Variants in ANPEP observed in about 807,000 individuals in gnomAD.
ANPEP encodes the protein alanyl aminopeptidase, membrane, also known as aminopeptidase N.
Under a neutral mutation model 114.6 loss-of-function variants are expected in ANPEP, and 70 were observed. The observed-to-expected ratio is 0.61, with a 90% CI of 0.50 to 0.75. The LOEUF is 0.75. Ranked by LOEUF, ANPEP falls within the 30% of genes least tolerant of loss-of-function variation. The pLI, the probability that ANPEP is intolerant of heterozygous loss-of-function variation, is 0.00. For synonymous variants in ANPEP, 548 were observed against 522.3 expected (o/e 1.05, Z -0.67); for missense variants, 1,184 against 1,259.5 (o/e 0.94, Z 0.91).
At position 89,806,893 on chromosome 15, in the gene ANPEP, G is replaced by T; in HGVS notation, c.-223-87C>A. The T allele has an allele frequency of 2.9e-6, 1 of 344,952 alleles. No individual in the cohort carries two copies. The highest frequency in any genetic ancestry group is 5.4e-6 in the Non-Finnish European group (1 of 185,188). The allele number at this position is 344,952 out of a possible 1,614,324, so 21.4% of individuals were successfully genotyped here. A position where few individuals can be genotyped will look rare whatever the true frequency, so the allele number is the denominator to read the frequency against. The stretch of plus-strand genomic sequence containing the variant: ...CTGAAGGGCAGGCTTCCGGCTGTAG[G>T]CCCAGTGGGCAAAGCAAGCGGCCAG... On this transcript the variant is annotated intron_variant, in intron 1 of 20. Transcript: ENST00000300060. The surrounding 1 kb of genome is among the most constrained non-coding windows in gnomAD (Gnocchi z 5.7).
At chr15:89,804,980 C>A in intron 4 of ANPEP, 98 bp downstream of exon 4, 1 of 1,545,454 alleles carries the variant, frequency 6.5e-7, no homozygotes, top group Admixed American at 1.7e-5. Flanking sequence ...CCAACCCTGG[C>A]CTAACAATTC....
intron 1 of ANPEP, among the ~76,000 whole-genome samples, chr15:89,808,442 T>C (rs993299013): frequency 6.6e-6 from 1 of 152,212 alleles, no homozygotes; most frequent in African/African-American, 2.4e-5. Context: ...CAGCAGGGCC[T>C]CACCAGCACT....
Position 89,803,556 on chromosome 15 carries a change from G to T in ANPEP, c.1438-49C>A. ...TCAGAAGGCTGTGCAGAGCCACCAG[G>T]ACCCTGTGCCCCCAGACCCTGCCTT... On this transcript the variant is annotated intron_variant, in intron 8 of 20. Coordinates refer to ENST00000300060, the MANE Select transcript of ANPEP (RefSeq NM_001150.3). This position sits in a 1 kb window ranked among gnomAD's most constrained non-coding sequence, Gnocchi z 4.2. The T allele has an allele frequency of 6.2e-7, 1 of 1,603,202 alleles. No individual in the cohort carries two copies. Among genetic ancestry groups the T allele is most frequent in the Non-Finnish European group, 8.5e-7 (1 of 1,176,952 alleles).
Position 89,799,318 on chromosome 15 carries a change from A to G in ANPEP, c.1954-3T>C, listed in dbSNP as rs1183287055. The G allele has an allele frequency of 6.2e-7, 1 of 1,614,088 alleles. No individual in the cohort carries two copies. Among genetic ancestry groups the G allele is most frequent in the Non-Finnish European group, 8.5e-7 (1 of 1,180,032 alleles). On this transcript the variant is annotated splice_region_variant and splice_polypyrimidine_tract_variant and intron_variant, in intron 13 of 20. Transcript: ENST00000300060. This position sits in a 1 kb window ranked among gnomAD's most constrained non-coding sequence, Gnocchi z 4.2. ...GCCCGATTGATGACAGGGATGGCCT[A>G]GAATGCGAAGCACAGCATGTGACCA...
chr15:89,787,962 C>G (rs1031651842), intron 20 of ANPEP, among the ~76,000 whole-genome samples: 2 of 151,912 alleles, frequency 1.3e-5, no homozygotes, highest in Admixed American at 6.6e-5. Context: ...GATGACTATA[C>G]TAAAAAAAGA....
intron 20 of ANPEP, among the ~76,000 whole-genome samples, chr15:89,787,040 CTTTTTTTTTTTTT>C (rs1015822999): frequency 1.1e-5 from 1 of 91,044 alleles, no homozygotes; most frequent in Non-Finnish European, 2.1e-5. Flanking sequence ...TAATAAAACT[CTTTTTTTTTTTTT>C]TTTTTTTTTT....
At chr15:89,812,848 C>A (rs1894839707) in intron 1 of ANPEP, among the ~76,000 whole-genome samples, 3 of 152,212 alleles carry the variant, frequency 2.0e-5, no homozygotes, top group African/African-American at 7.2e-5. Flanking sequence ...TCCCATACAG[C>A]CCCTCACATC....
At chr15:89,807,972 C>T (rs1412723236) in intron 1 of ANPEP, among the ~76,000 whole-genome samples, 2 of 152,146 alleles carry the variant, frequency 1.3e-5, no homozygotes, top group Non-Finnish European at 2.9e-5. Context: ...GACACAGCAG[C>T]GCCCCTATGG....
At chr15:89,795,137 T>C (rs937882245) in intron 15 of ANPEP, among the ~76,000 whole-genome samples, 1 of 149,376 alleles carries the variant, frequency 6.7e-6, no homozygotes. Context: ...GTAATAAATA[T>C]CCTCTGAGAG....
rs1894690491 is a variant in ANPEP at position 89,805,421 on chromosome 15, C to G, written c.657G>C (p.Lys219Asn). Residue 219 changes from lysine (K) to asparagine (N), a missense_variant, in exon 3 of 21, where the codon AAG becomes AAC. By Grantham distance (94) the Lys-to-Asn change is moderately conservative. Coordinates refer to ENST00000300060, the MANE Select transcript of ANPEP (RefSeq NM_001150.3). ...CCGGCTCATCGAAGCATGGGAAGGA[C>G]TTCCGGGCATCTGCAGCCTGCATCT... is the stretch of plus-strand genomic sequence containing the variant. Reference protein sequence around the residue: ...TTQMQAADARKSFPCFDEPAM... With the variant: ...TTQMQAADARNSFPCFDEPAM... The G allele has an allele frequency of 6.2e-7, 1 of 1,614,092 alleles. No individual in the cohort carries two copies. The highest frequency in any genetic ancestry group is 1.3e-5 in the African/African-American group (1 of 74,940).
intron 1 of ANPEP, among the ~76,000 whole-genome samples, chr15:89,813,884 C>A (rs550354267): frequency 6.6e-6 from 1 of 151,864 alleles, no homozygotes; most frequent in Non-Finnish European, 1.5e-5. Context: ...CCCCCGAACA[C>A]GGCCTGGTGG....
rs373862237 is a variant in ANPEP at position 89,800,083 on chromosome 15, C to G, written c.1820-524G>C. ...AATAGGTTGCTCATTTCCCACCTGCCCCATCCACTGTCTCCTGCAGCCCCT... is the reference window on the plus strand; with the variant it reads ...AATAGGTTGCTCATTTCCCACCTGCGCCATCCACTGTCTCCTGCAGCCCCT... On this transcript the variant is annotated intron_variant, in intron 12 of 20. Coordinates refer to ENST00000300060, the MANE Select transcript of ANPEP (RefSeq NM_001150.3). 3.6e-3 allele frequency among the ~76,000 whole-genome samples: 551 copies of G among 152,270 alleles called. 4 individuals are homozygous for G. Among genetic ancestry groups the G allele is most frequent in the African/African-American group, 0.012 (504 of 41,558 alleles).
At chr15:89,785,890 A>G (rs1205396408) in intron 20 of ANPEP, among the ~76,000 whole-genome samples, 1 of 152,220 alleles carries the variant, frequency 6.6e-6, no homozygotes, top group African/African-American at 2.4e-5. Context: ...TACTCCTACA[A>G]ATTAGAAGAG....
rs1182646726 is a variant in ANPEP, at chr15:89,805,370, C to T, written c.708G>A (p.Thr236=). Residue 236 remains threonine, a synonymous_variant, in exon 3 of 21, where the codon ACG becomes ACA. Transcript: ENST00000300060. ...CTGTCAGGTCCTTGGGGTGGATAAG[C>T]GTGATGTTGAACTCGGCCTTCATGG... The part of the protein sequence containing the change: ...EPAMKAEFNI[T]LIHPKDLTAL... The T allele has an allele frequency of 1.9e-6, 3 of 1,614,028 alleles. No individual in the cohort carries two copies. The highest frequency in any genetic ancestry group is 2.2e-5 in the East Asian group (1 of 44,882).
Position 89,801,129 on chromosome 15 carries a change from A to G in ANPEP, c.1801T>C (p.Trp601Arg). The G allele has an allele frequency of 1.2e-6, 2 of 1,614,178 alleles. No homozygotes were observed. Among genetic ancestry groups the G allele is most frequent in the Non-Finnish European group, 1.7e-6 (2 of 1,180,028 alleles). The change falls in exon 12 of 21, where the codon TGG becomes CGG. Residue 601 changes from tryptophan (W) to arginine (R), a missense_variant. By Grantham distance (101) the Trp-to-Arg change is moderately radical. Transcript: ENST00000300060. ...IRDGRQQQDY[W>R]LIDVRAQNDL... Reference sequence around the variant, plus strand: ...GGATTACCTCTTACATCTATCAGCCAGTAGTCCTGCTGCTGTCTGCCATCT... The same window carrying G: ...GGATTACCTCTTACATCTATCAGCCGGTAGTCCTGCTGCTGTCTGCCATCT...
Position 89,804,338 on chromosome 15 carries a change from T to A in ANPEP, c.1094A>T (p.Asn365Ile). ...GGACAGGGGGTCGAACAGCAGGGAG[T>A]TCTCCCGGTAGGTCACCAGTCCCCA... ...ENWGLVTYRE[N>I]SLLFDPLSSS... Residue 365 changes from asparagine to isoleucine, a missense_variant, in exon 6 of 21, where the codon AAC (asparagine) becomes ATC (isoleucine). By Grantham distance (149) the Asn-to-Ile change is moderately radical. Coordinates refer to ENST00000300060, the MANE Select transcript of ANPEP (RefSeq NM_001150.3). The A allele has an allele frequency of 2.5e-6, 4 of 1,613,926 alleles. No individual in the cohort carries two copies. The highest frequency in any genetic ancestry group is 1.3e-5 in the African/African-American group (1 of 74,992).
intron 4 of ANPEP, 78 bp downstream of exon 4, chr15:89,805,000 C>A: frequency 6.3e-7 from 1 of 1,587,054 alleles, no homozygotes; most frequent in South Asian, 1.1e-5. Flanking sequence ...CAGAAACTGG[C>A]ACAGGGATGA....
chr15:89,808,297 A>T (rs969540440), intron 1 of ANPEP, among the ~76,000 whole-genome samples: 2 of 151,974 alleles, frequency 1.3e-5, no homozygotes, highest in East Asian at 3.9e-4. Context: ...AGCCGCCCTG[A>T]CCTCCCTGAC....
rs538150702 is a variant in ANPEP at position 89,788,670 on chromosome 15, C to T, written c.2751+1790G>A. 7.9e-5 allele frequency among the ~76,000 whole-genome samples: 12 copies of T among 152,164 alleles called. No individual in the cohort carries two copies. The East Asian group carries it at 1.4e-3, about 17-fold the overall frequency. ...GGCTGGAATGCGGTGGCACCACCTC[C>T]GCTCACTGCAACCTCTGCCTTCCTG... On this transcript the variant is annotated intron_variant, in intron 20 of 20. Transcript: ENST00000300060.
Sources: gnomAD v4.1 joint callset for allele counts (sites outside exome capture counted in the v4.1 genomes callset) on GRCh38, gnomAD v4.1.1 for gene constraint, Gnocchi (gnomAD v3.1) non-coding constraint, MANE v1.5 for transcripts, NCBI Gene and HGNC (gene_info 2026-07-23, HGNC 2026-07-21) for gene names.